Variants in ASPH observed in about 807,000 individuals in gnomAD.
ASPH encodes aspartate beta-hydroxylase, also known as aspartyl/asparaginyl beta-hydroxylase.
ASPH carries 100 observed loss-of-function variants against 118.4 expected under a neutral mutation model. That is an observed-to-expected ratio of 0.84 (90% CI 0.72 to 1.00). The LOEUF (loss-of-function observed/expected upper bound fraction) is 1.00. Among genes scored for constraint, ASPH ranks in the 50% least tolerant of loss-of-function variants. ASPH has a pLI of 0.00. For synonymous variants in ASPH, 315 were observed against 325.6 expected, an observed-to-expected ratio of 0.97 and a Z score of 0.35; for missense variants, 920 against 919.5, an observed-to-expected ratio of 1.00 and a Z score of -0.01.
intron 1 of ASPH, among the ~76,000 whole-genome samples, chr8:61,693,381 T>C (rs1482539414): frequency 6.6e-6 from 1 of 152,238 alleles, no homozygotes; most frequent in Admixed American, 6.5e-5. Context: ...CTCTGCTTTT[T>C]TGGCTCCATC....
chr8:61,663,522 A>G (rs1817984561), intron 3 of ASPH: 2 of 985,410 alleles, frequency 2.0e-6, no homozygotes, highest in Non-Finnish European at 2.4e-6. Flanking sequence ...AGCTAAGAGG[A>G]AAAAGAACTC....
intron 10 of ASPH, among the ~76,000 whole-genome samples, chr8:61,639,499 C>T (rs1002074788): frequency 6.6e-6 from 1 of 152,178 alleles, no homozygotes; most frequent in Non-Finnish European, 1.5e-5. Flanking sequence ...TGACCATACT[C>T]TCCCCTTTGG....
chr8:61,634,068 C>T (rs1411065205), intron 12 of ASPH, among the ~76,000 whole-genome samples: 1 of 152,202 alleles, frequency 6.6e-6, no homozygotes, highest in African/African-American at 2.4e-5. Context: ...TGGAAAGACA[C>T]TTAAAGTATC....
At chr8:61,550,495 G>GAC (rs1294613647) in intron 20 of ASPH, among the ~76,000 whole-genome samples, 2 of 148,946 alleles carry the variant, frequency 1.3e-5, no homozygotes, top group East Asian at 1.9e-4. Flanking sequence ...GAGAGAGAGA[G>GAC]AGAGACAGAG....
intron 12 of ASPH, among the ~76,000 whole-genome samples, chr8:61,634,070 T>G (rs1188596767): frequency 6.6e-6 from 1 of 152,226 alleles, no homozygotes; most frequent in African/African-American, 2.4e-5. Flanking sequence ...GAAAGACACT[T>G]AAAGTATCTT....
At chr8:61,504,921 C>T (rs1305800593) in intron 24 of ASPH, among the ~76,000 whole-genome samples, 1 of 152,116 alleles carries the variant, frequency 6.6e-6, no homozygotes, top group Non-Finnish European at 1.5e-5. Flanking sequence ...GGGAACTGAA[C>T]CTCTACTTCT....
intron 3 of ASPH, among the ~76,000 whole-genome samples, chr8:61,670,918 A>T (rs1454044921): frequency 6.6e-6 from 1 of 152,110 alleles, no homozygotes; most frequent in Non-Finnish European, 1.5e-5. Context: ...GAGGAATAAA[A>T]TGACCCTGGA....
intron 13 of ASPH, among the ~76,000 whole-genome samples, chr8:61,630,217 A>G (rs1330540423): frequency 1.3e-5 from 2 of 152,336 alleles, no homozygotes; most frequent in African/African-American, 2.4e-5. Flanking sequence ...TCAATCGTCA[A>G]TTAGGTTCCA....
chr8:61,633,725 C>A lies in ASPH; in HGVS notation c.892G>T (p.Val298Leu). The part of the protein sequence containing the change: ...VEDSQVIVEE[V>L]SIFPVEEQQE... ...TGTTCTTCCACAGGAAAAATGCTTA[C>A]TTCTAAAATAAATAATAAAGTTATA... The change falls in exon 13 of 25, where the codon GTA becomes TTA. Residue 298 changes from valine to leucine, a missense_variant and splice_region_variant. Physicochemically the swap from Val to Leu is conservative, Grantham distance 32. Transcript: ENST00000379454. 1 of 1,593,214 alleles carries A rather than the reference C, an allele frequency of 6.3e-7. No individual in the cohort carries two copies. The highest frequency in any genetic ancestry group is 8.6e-7 in the Non-Finnish European group (1 of 1,167,894).
chr8:61,526,828 T>C (rs1482576813), intron 21 of ASPH, among the ~76,000 whole-genome samples: 3 of 151,838 alleles, frequency 2.0e-5, no homozygotes, highest in Non-Finnish European at 4.4e-5. Context: ...ACACTGGGTG[T>C]TGATTAGGAG....
At chr8:61,643,575 G>A in intron 8 of ASPH, 142 bp from the exon 9 acceptor site, 1 of 826,570 alleles carries the variant, frequency 1.2e-6, no homozygotes, top group Non-Finnish European at 1.9e-6. Context: ...AATTTAAGCT[G>A]AATAACGTTC....
At chr8:61,664,486 T>C in intron 3 of ASPH, 1 of 984,748 alleles carries the variant, frequency 1.0e-6, no homozygotes, top group Non-Finnish European at 1.2e-6. Context: ...ATGGCCACAG[T>C]TCTCGGAGCA....
At chr8:61,504,422 AGCATGGGAAAT>A (rs1805635349) in intron 24 of ASPH, among the ~76,000 whole-genome samples, 1 of 152,244 alleles carries the variant, frequency 6.6e-6, no homozygotes, top group South Asian at 2.1e-4. Flanking sequence ...TGACTATTAT[AGCATGGGAAAT>A]GCTAGCTTGA....
At chr8:61,562,720 A>C (rs1830432609) in intron 18 of ASPH, 24 bp downstream of exon 18, 1 of 1,578,826 alleles carries the variant, frequency 6.3e-7, no homozygotes, top group Non-Finnish European at 8.6e-7. Context: ...AATTTGACGT[A>C]GTTAATACAA....
intron 14 of ASPH, among the ~76,000 whole-genome samples, chr8:61,609,570 G>A (rs1846666986): frequency 6.6e-6 from 1 of 152,094 alleles, no homozygotes; most frequent in Non-Finnish European, 1.5e-5. Flanking sequence ...CGGTAGACTG[G>A]CTTCCCAGGC....
intron 13 of ASPH, among the ~76,000 whole-genome samples, chr8:61,619,990 A>T (rs1275187447): frequency 6.6e-6 from 1 of 152,194 alleles, no homozygotes; most frequent in Non-Finnish European, 1.5e-5. Flanking sequence ...TCAAGTGAAC[A>T]TTGACACAGA....
intron 16 of ASPH, among the ~76,000 whole-genome samples, chr8:61,575,978 G>A (rs1199739197): frequency 6.6e-6 from 1 of 152,106 alleles, no homozygotes; most frequent in African/African-American, 2.4e-5. Flanking sequence ...CCTCTTCCAT[G>A]GAAACCTCAA....
chr8:61,643,394 T>C lies in ASPH; in HGVS notation c.749A>G (p.His250Arg). 1 of 1,606,110 alleles carries C rather than the reference T, an allele frequency of 6.2e-7. No homozygotes were observed. Among genetic ancestry groups the C allele is most frequent in the Non-Finnish European group, 8.5e-7 (1 of 1,179,420 alleles). ...EPVVEDERLH[H>R]DTDDVTYQVY... ...AAATGCTCATCTAATACCTGTATCA[T>C]GGTGCAATCTTTCATCTTCTACTAC... The change falls in exon 9 of 25, where the codon CAT becomes CGT. Residue 250 changes from histidine (H) to arginine (R), a missense_variant. His to Arg is a conservative substitution (Grantham distance 29). Coordinates refer to ENST00000379454, the MANE Select transcript of ASPH (RefSeq NM_004318.4).
At chr8:61,677,848 T>C (rs1207173104) in intron 3 of ASPH, among the ~76,000 whole-genome samples, 1 of 152,190 alleles carries the variant, frequency 6.6e-6, no homozygotes, top group Non-Finnish European at 1.5e-5. Flanking sequence ...GTATTACATA[T>C]AAAACTTTTC....
Sources: allele counts gnomAD v4.1 joint callset (sites outside exome capture counted in the v4.1 genomes callset), GRCh38; gene constraint gnomAD v4.1.1; transcripts MANE v1.5; gene names NCBI Gene and HGNC (gene_info 2026-07-23, HGNC 2026-07-21).